The following HIGD1C variants were observed in gnomAD, a reference collection of about 807,000 sequenced individuals.
HIGD1C encodes HIG1 domain family member 1C.
HIGD1C carries 11 observed loss-of-function variants against 13.1 expected under a neutral mutation model. The ratio of observed to expected loss-of-function variants is 0.84; its 90% CI spans 0.53 to 1.39. HIGD1C has a LOEUF of 1.39. HIGD1C is among the 40% of genes most tolerant of loss of function. HIGD1C has a pLI of 0.00. For synonymous variants in HIGD1C, 36 were observed against 37.7 expected (o/e 0.95, Z 0.17); for missense variants, 110 against 112.0 (o/e 0.98, Z 0.08).
the HIGD1C span, among the ~76,000 whole-genome samples, chr12:50,944,048 C>G: frequency 2.6e-5 from 4 of 152,126 alleles, no homozygotes; most frequent in African/African-American, 9.7e-5. Context: ...ACTCTCAAGT[C>G]ACCCTAGTCA....
chr12:50,958,063 G>A (rs73295896), intron 1 of HIGD1C, among the ~76,000 whole-genome samples: 1 of 150,136 alleles, frequency 6.7e-6, no homozygotes, highest in African/African-American at 2.4e-5. Flanking sequence ...GCCTTGGCCT[G>A]CCAAAGTGCT....
intron 1 of HIGD1C, among the ~76,000 whole-genome samples, chr12:50,958,563 G>A (rs762795561): frequency 3.1e-4 from 47 of 151,876 alleles, no homozygotes; most frequent in Non-Finnish European, 5.4e-4. Flanking sequence ...TTACAGGCGT[G>A]AGCCACCGCG....
chr12:50,950,670 A>ATTTTTTT (rs57553489), upstream of HIGD1C, among the ~76,000 whole-genome samples: 9 of 87,686 alleles, frequency 1.0e-4, no homozygotes, highest in African/African-American at 1.4e-4. Flanking sequence ...TGCCCAGCTA[A>ATTTTTTT]TTTTTTTTTT....
At chr12:50,962,258 A>C (rs534302871) in intron 2 of HIGD1C, among the ~76,000 whole-genome samples, 1 of 149,860 alleles carries the variant, frequency 6.7e-6, no homozygotes, top group Non-Finnish European at 1.5e-5. Context: ...CACACACACA[A>C]AATAGCTGGG....
upstream of HIGD1C, among the ~76,000 whole-genome samples, chr12:50,951,555 A>G (rs1938896347): frequency 1.3e-5 from 2 of 152,182 alleles, no homozygotes; most frequent in South Asian, 4.1e-4. Flanking sequence ...TCTAGTGAGA[A>G]AACATGAGTT....
At chr12:50,949,438 A>T (rs1444078646), upstream of HIGD1C, 1 of 149,768 alleles carries the variant, frequency 6.7e-6, no homozygotes, top group Non-Finnish European at 1.5e-5. Flanking sequence ...TATTCTAATG[A>T]TCAAATTGTC....
chr12:50,942,828 C>A, the HIGD1C span, among the ~76,000 whole-genome samples: 5 of 151,772 alleles, frequency 3.3e-5, no homozygotes, highest in East Asian at 9.7e-4. Context: ...TGTGCTACAG[C>A]ACTCCATCCT....
At chr12:50,959,490 T>C (rs1939241398) in intron 1 of HIGD1C, among the ~76,000 whole-genome samples, 1 of 152,236 alleles carries the variant, frequency 6.6e-6, no homozygotes. Context: ...TATTTTTGTT[T>C]TGTTTTGCAT....
In HIGD1C at chr12:50,960,891, G is replaced by C. The variant is rs1939299699; in HGVS notation, c.95-77G>C. 2.3e-6 allele frequency: 3 copies of C among 1,281,158 alleles called. No individual in the cohort carries two copies. In the South Asian group the frequency reaches 5.0e-5, roughly 21 times the overall value. 79.4% of individuals were successfully genotyped at this position (1,281,158 alleles called of 1,614,324 possible). A position where few individuals can be genotyped will look rare whatever the true frequency, so the allele number is the denominator to read the frequency against. ...GATGGGGTCTTGCTATGTTGCCCAG[G>C]CTGTTTTCAAACTCCTGGTCTCACA... is the stretch of plus-strand genomic sequence containing the variant. On this transcript the variant is annotated intron_variant, in intron 1 of 2. Coordinates refer to ENST00000398455, the Ensembl canonical transcript of HIGD1C.
At chr12:50,935,824 T>C in the HIGD1C span, among the ~76,000 whole-genome samples, 1 of 152,110 alleles carries the variant, frequency 6.6e-6, no homozygotes, top group Admixed American at 6.5e-5. Context: ...AAAAGCATGA[T>C]AGTCTTACTT....
intron 1 of HIGD1C, among the ~76,000 whole-genome samples, chr12:50,960,017 T>C (rs568792379): frequency 1.3e-5 from 2 of 152,344 alleles, no homozygotes; most frequent in South Asian, 4.1e-4. Context: ...AATCTTTTTC[T>C]AGAATCTTTC....
intron 2 of HIGD1C, 23 bp downstream of exon 4, chr12:50,961,125 T>G: frequency 1.2e-6 from 2 of 1,611,976 alleles, no homozygotes; most frequent in Non-Finnish European, 1.7e-6. Flanking sequence ...ATTTGTATCT[T>G]ATGTTCAGCT....
chr12:50,955,033 T>C (rs963272300), intron 1 of HIGD1C, among the ~76,000 whole-genome samples: 6 of 152,202 alleles, frequency 3.9e-5, no homozygotes, highest in African/African-American at 1.4e-4. Flanking sequence ...GGCTCACTCC[T>C]GTAATCCCAG....
intron 1 of HIGD1C, 30 bp from the exon 4 acceptor site, chr12:50,960,938 C>G (rs1326284766): frequency 6.5e-7 from 1 of 1,534,132 alleles, no homozygotes; most frequent in African/African-American, 1.4e-5. Context: ...CCTCAGCCTT[C>G]CAAATAACCC....
chr12:50,967,861 A>C (rs569549572), intron 2 of HIGD1C, among the ~76,000 whole-genome samples: 30 of 152,258 alleles, frequency 2.0e-4, no homozygotes, highest in Non-Finnish European at 4.1e-4. Flanking sequence ...CCAAGGCAGG[A>C]GAATCACTTG....
intron 2 of HIGD1C, among the ~76,000 whole-genome samples, chr12:50,962,250 C>T (rs1020460083): frequency 6.6e-6 from 1 of 151,544 alleles, no homozygotes; most frequent in African/African-American, 2.4e-5. Flanking sequence ...CACACACACA[C>T]ACACACAAAA....
chr12:50,953,883 C>T (rs1242977277), upstream of HIGD1C: 27 of 607,846 alleles, frequency 4.4e-5, no homozygotes, highest in East Asian at 7.5e-4. Context: ...ATAGGCTTAT[C>T]AAACAAATGA....
chr12:50,945,119 CCAATATCATACTGAATGGGCAAAAACT>C, the HIGD1C span, among the ~76,000 whole-genome samples: 2 of 152,130 alleles, frequency 1.3e-5, no homozygotes, highest in Non-Finnish European at 2.9e-5. Flanking sequence ...AAACCCACAG[CCAATATCATACTGAATGGGCAAAAACT>C]GGAAGCATTC....
chr12:50,947,118 T>TGTCCCTGTCTGACAGC, the HIGD1C span, among the ~76,000 whole-genome samples: 1 of 152,200 alleles, frequency 6.6e-6, no homozygotes, highest in African/African-American at 2.4e-5. Flanking sequence ...TGCAGACTTA[T>TGTCCCTGTCTGACAGC]TTTTGTGGGA....
Sources: allele counts gnomAD v4.1 joint callset (sites outside exome capture counted in the v4.1 genomes callset), GRCh38; gene constraint gnomAD v4.1.1; transcripts MANE v1.5; gene names NCBI Gene and HGNC (gene_info 2026-07-23, HGNC 2026-07-21).